SRRM3: variants seen among roughly 807,000 people sequenced by gnomAD.
SRRM3 encodes the protein serine/arginine repetitive matrix 3.
In SRRM3, 27 loss-of-function variants were observed where a neutral mutation model predicts 66.2. That is an observed-to-expected ratio of 0.41 (90% CI 0.30 to 0.56). The LOEUF (loss-of-function observed/expected upper bound fraction) is 0.56. SRRM3 is among the 20% of genes least tolerant of loss of function. SRRM3 has a pLI of 0.32. For missense variants in SRRM3, 918 were observed against 991.9 expected (o/e 0.93, Z 1.00); for synonymous variants, 391 against 414.9 (o/e 0.94, Z 0.70).
At chr7:76,224,285 G>T (rs1800800949) in intron 1 of SRRM3, among the ~76,000 whole-genome samples, 1 of 149,760 alleles carries the variant, frequency 6.7e-6, no homozygotes, top group Non-Finnish European at 1.5e-5. Context: ...TCACCATGTT[G>T]CCCAGGCTGG....
intron 11 of SRRM3, among the ~76,000 whole-genome samples, chr7:76,278,801 A>G (rs1182934905): frequency 6.6e-6 from 1 of 152,180 alleles, no homozygotes; most frequent in Non-Finnish European, 1.5e-5. Context: ...GTCTACCTCC[A>G]TGTTCAGCTC....
At chr7:76,258,855 C>T (rs1419927008) in intron 3 of SRRM3, among the ~76,000 whole-genome samples, 1 of 151,388 alleles carries the variant, frequency 6.6e-6, no homozygotes, top group African/African-American at 2.4e-5. Flanking sequence ...TCGGGAGTTC[C>T]ATACCAGCCT....
chr7:76,256,649 T>C (rs1227411925), intron 3 of SRRM3, among the ~76,000 whole-genome samples: 2 of 152,038 alleles, frequency 1.3e-5, no homozygotes, highest in Non-Finnish European at 2.9e-5. Flanking sequence ...AAAGGGTAAC[T>C]TCCTGACATT....
At chr7:76,260,334 C>G (rs1801825540) in intron 5 of SRRM3, 137 bp downstream of exon 5, 5 of 643,804 alleles carry the variant, frequency 7.8e-6, no homozygotes, top group South Asian at 2.5e-5. Flanking sequence ...CTCCCCGTGC[C>G]GTCCCCCGAC....
intron 3 of SRRM3, among the ~76,000 whole-genome samples, chr7:76,256,360 G>A (rs1163554530): frequency 6.6e-6 from 1 of 151,898 alleles, no homozygotes; most frequent in Non-Finnish European, 1.5e-5. Flanking sequence ...TACAAAAATT[G>A]GCCGGGCGTG....
At chr7:76,243,789 C>T (rs1292444495) in intron 2 of SRRM3, among the ~76,000 whole-genome samples, 1 of 152,198 alleles carries the variant, frequency 6.6e-6, no homozygotes, top group African/African-American at 2.4e-5. Flanking sequence ...AAATTAGGGG[C>T]TAAGCAGTGT....
intron 9 of SRRM3, 88 bp downstream of exon 9, chr7:76,264,903 A>C: frequency 7.2e-7 from 1 of 1,395,982 alleles, no homozygotes; most frequent in East Asian, 2.3e-5. Context: ...GAATCAGGCC[A>C]TTAAAGGTAG....
In SRRM3 at chr7:76,235,178, G is replaced by C. The variant is rs1554604666; in HGVS notation, c.112G>C (p.Glu38Gln). The change falls in exon 2 of 15, where the codon GAG becomes CAG. Residue 38 changes from glutamate to glutamine, a missense_variant. Transcript: ENST00000611745. The part of the protein sequence containing the change: ...SSGTWPRAEE[E>Q]LRAAEPGLVK... ...GGGGACCTGGCCGCGGGCGGAAGAG[G>C]AGCTGCGCGCCGCGGAGCCGGGCCT... 3.2e-6 allele frequency: 5 copies of C among 1,550,608 alleles called. No individual in the cohort carries two copies. The South Asian group carries it at 5.9e-5, about 18-fold the overall frequency.
At chr7:76,265,826 A>G (rs1383097715) in intron 10 of SRRM3, among the ~76,000 whole-genome samples, 1 of 40,256 alleles carries the variant, frequency 2.5e-5, no homozygotes, top group Admixed American at 3.4e-4. Flanking sequence ...TTTAATAAAT[A>G]TTTATATATA....
At chr7:76,275,834 G>C (rs182480490) in intron 11 of SRRM3, among the ~76,000 whole-genome samples, 5 of 152,238 alleles carry the variant, frequency 3.3e-5, no homozygotes, top group African/African-American at 7.2e-5. Flanking sequence ...CAATGCTTTA[G>C]GAGGCCGAGG....
rs965376796 is a variant in SRRM3, at chr7:76,267,287, G to T, written c.860G>T (p.Arg287Leu). 17 of 1,556,548 alleles carry T rather than the reference G, an allele frequency of 1.1e-5. No homozygotes were observed. In the Admixed American group the frequency reaches 3.2e-4, roughly 29 times the overall value. Residue 287 changes from arginine to leucine, a missense_variant, in exon 11 of 15, where the codon CGA (arginine) becomes CTA (leucine). Physicochemically the swap from Arg to Leu is moderately radical, Grantham distance 102. Transcript: ENST00000611745. ...RLSPKHRDEG[R>L]KTGSQRSSGS... ...AGCCCCAAGCACCGAGACGAAGGGC[G>T]AAAGACGGGCAGCCAGCGGTCCAGC...
At chr7:76,210,976 T>C (rs375281734) in intron 1 of SRRM3, among the ~76,000 whole-genome samples, 1 of 152,004 alleles carries the variant, frequency 6.6e-6, no homozygotes, top group Non-Finnish European at 1.5e-5. Flanking sequence ...CTAATTTTTT[T>C]TGTGTGTGTG....
intron 11 of SRRM3, among the ~76,000 whole-genome samples, chr7:76,270,215 C>T (rs898161396): frequency 1.3e-5 from 2 of 152,170 alleles, no homozygotes; most frequent in Admixed American, 6.5e-5. Context: ...TGCTACTCCT[C>T]GGTTCAGTTT....
At chr7:76,248,315 A>C in intron 3 of SRRM3, 26 bp downstream of exon 3, 2 of 1,577,540 alleles carry the variant, frequency 1.3e-6, no homozygotes, top group Non-Finnish European at 8.7e-7. Flanking sequence ...TGTGGGGATG[A>C]GGGAGAGGGG....
intron 3 of SRRM3, among the ~76,000 whole-genome samples, chr7:76,248,888 G>A (rs186586911): frequency 6.6e-6 from 1 of 152,330 alleles, no homozygotes; most frequent in East Asian, 1.9e-4. Context: ...GCTGAGGCAG[G>A]AGAATCGCTT....
intron 3 of SRRM3, among the ~76,000 whole-genome samples, chr7:76,256,439 G>A (rs1801714355): frequency 2.6e-5 from 4 of 151,788 alleles, no homozygotes; most frequent in African/African-American, 4.8e-5. Flanking sequence ...CCCTGGAGGC[G>A]GAGGTTGCAG....
chr7:76,279,076 C>T (rs1463334880), intron 11 of SRRM3, among the ~76,000 whole-genome samples: 2 of 152,106 alleles, frequency 1.3e-5, no homozygotes, highest in Admixed American at 6.6e-5. Context: ...CTGGCCAACA[C>T]GGTGAAACCC....
In SRRM3 at chr7:76,226,566, T is replaced by C. The variant is rs1268696509; in HGVS notation, c.-39-8462T>C. 4.0e-5 allele frequency among the ~76,000 whole-genome samples: 4 copies of C among 101,198 alleles called. No individual in the cohort carries two copies. In the East Asian group the frequency reaches 9.1e-4, roughly 23 times the overall value. 66.4% of individuals were successfully genotyped at this position (101,198 alleles called of 152,430 possible). A position where few individuals can be genotyped will look rare whatever the true frequency, so the allele number is the denominator to read the frequency against. ...AAGGAAGTGGGCTGAAGGTCTGGTG[T>C]TATTTATTTATTTATTTATTTATTT... is the stretch of plus-strand genomic sequence containing the variant. On this transcript the variant is annotated intron_variant, in intron 1 of 14. Coordinates refer to ENST00000611745, the MANE Select transcript of SRRM3 (RefSeq NM_001110199.3).
At chr7:76,258,868 C>G (rs1251218967) in intron 3 of SRRM3, among the ~76,000 whole-genome samples, 1 of 151,358 alleles carries the variant, frequency 6.6e-6, no homozygotes, top group Non-Finnish European at 1.5e-5. Context: ...ACCAGCCTGA[C>G]TAACATGGAG....
Sources: allele counts gnomAD v4.1 joint callset (sites outside exome capture counted in the v4.1 genomes callset), GRCh38; gene constraint gnomAD v4.1.1; transcripts MANE v1.5; gene names NCBI Gene and HGNC (gene_info 2026-07-23, HGNC 2026-07-21).